The following CDH18 variants were observed in gnomAD, a reference collection of about 807,000 sequenced individuals.
CDH18 encodes the protein cadherin 18.
CDH18 carries 31 observed loss-of-function variants against 67.9 expected under a neutral mutation model. The observed-to-expected ratio is 0.46, with a 90% CI of 0.34 to 0.62. The LOEUF (loss-of-function observed/expected upper bound fraction) is 0.62, where lower values mean the gene tolerates loss of function less well. Among genes scored for constraint, CDH18 ranks in the 20% least tolerant of loss-of-function variants. The pLI is 0.01. For missense variants in CDH18, 890 were observed against 975.5 expected, an observed-to-expected ratio of 0.91 and a Z score of 1.17; for synonymous variants, 362 against 347.2, an observed-to-expected ratio of 1.04 and a Z score of -0.48.
chr5:19,672,093 T>C (rs1758829817), intron 5 of CDH18, among the ~76,000 whole-genome samples: 2 of 152,118 alleles, frequency 1.3e-5, no homozygotes, highest in Non-Finnish European at 2.9e-5. Context: ...TGGTAAAATC[T>C]CAGTGATTGG....
chr5:20,373,720 C>T (rs1743192200), intron 1 of CDH18, among the ~76,000 whole-genome samples: 1 of 151,896 alleles, frequency 6.6e-6, no homozygotes, highest in African/African-American at 2.4e-5. Flanking sequence ...TGCTTTGCAT[C>T]TAGTAGAGTC....
At chr5:20,443,384 T>C (rs1436370594) in intron 1 of CDH18, among the ~76,000 whole-genome samples, 2 of 151,742 alleles carry the variant, frequency 1.3e-5, no homozygotes, top group Non-Finnish European at 2.9e-5. Context: ...GCACAATTAT[T>C]ATTTACAATA....
chr5:20,238,142 A>G (rs1742618390), intron 2 of CDH18, among the ~76,000 whole-genome samples: 1 of 151,454 alleles, frequency 6.6e-6, no homozygotes, highest in South Asian at 2.1e-4. Flanking sequence ...GGTCATAAAC[A>G]TAAATGGAAA....
rs531579439 is a variant in CDH18, at chr5:19,676,570, C to A, written c.643+44777G>T. Among the ~76,000 whole-genome samples the A allele has an allele frequency of 1.3e-5, 2 of 152,004 alleles. 1 individual carries two copies. The highest frequency in any genetic ancestry group is 3.9e-4 in the East Asian group (2 of 5,136). On this transcript the variant is annotated intron_variant, in intron 5 of 12. Transcript: ENST00000382275. ...TTAACGTGTTAATTGAATTCAGGTG[C>A]CAGGGAGTAGCAAAAAGGGCTTCCA...
At chr5:20,133,884 A>G (rs1048542092) in intron 2 of CDH18, among the ~76,000 whole-genome samples, 41 of 152,130 alleles carry the variant, frequency 2.7e-4, no homozygotes, top group African/African-American at 8.2e-4. Context: ...TATCATTCGA[A>G]AAATTTATTC....
chr5:20,546,339 T>A (rs181443745), intron 1 of CDH18, among the ~76,000 whole-genome samples: 1 of 152,282 alleles, frequency 6.6e-6, no homozygotes, highest in Admixed American at 6.5e-5. Flanking sequence ...AGGTTATCTT[T>A]ATAGCAGGAC....
chr5:20,501,459 ATAT>A (rs1226765200), intron 1 of CDH18, among the ~76,000 whole-genome samples: 10 of 104,858 alleles, frequency 9.5e-5, no homozygotes, highest in Non-Finnish European at 1.5e-4. Flanking sequence ...TTTTATATAC[ATAT>A]TATATATATT....
intron 5 of CDH18, among the ~76,000 whole-genome samples, chr5:19,639,001 T>TGTTTG (rs527973902): frequency 6.0e-4 from 53 of 88,222 alleles, no homozygotes; most frequent in African/African-American, 1.7e-3. Flanking sequence ...TTTTTTTTTT[T>TGTTTG]TTTGTTTGTT....
At chr5:19,667,487 A>G (rs970436046) in intron 5 of CDH18, among the ~76,000 whole-genome samples, 1 of 122,722 alleles carries the variant, frequency 8.1e-6, no homozygotes, top group Non-Finnish European at 1.7e-5. Flanking sequence ...ATGAATATAT[A>G]TGTTATATAT....
chr5:19,634,323 T>C (rs922798211), intron 5 of CDH18, among the ~76,000 whole-genome samples: 1 of 152,210 alleles, frequency 6.6e-6, no homozygotes, highest in Non-Finnish European at 1.5e-5. Context: ...AAATATTTAA[T>C]GATTAAAAAC....
intron 2 of CDH18, among the ~76,000 whole-genome samples, chr5:20,225,119 TCAC>T (rs1047528224): frequency 6.6e-6 from 1 of 152,084 alleles, no homozygotes; most frequent in African/African-American, 2.4e-5. Context: ...TCTTCAGAGG[TCAC>T]CACATCAGTG....
chr5:19,484,045 T>C (rs538494979), intron 11 of CDH18, among the ~76,000 whole-genome samples: 2 of 152,316 alleles, frequency 1.3e-5, no homozygotes, highest in South Asian at 4.1e-4. Flanking sequence ...ATGGAGACAG[T>C]AGATCAAGCA....
At chr5:20,120,293 A>G (rs1385076659) in intron 2 of CDH18, among the ~76,000 whole-genome samples, 1 of 152,166 alleles carries the variant, frequency 6.6e-6, no homozygotes, top group Non-Finnish European at 1.5e-5. Context: ...CTAAAGCAAG[A>G]ATAGTGAGAG....
chr5:20,206,307 C>T (rs780793664), intron 2 of CDH18, among the ~76,000 whole-genome samples: 2 of 151,684 alleles, frequency 1.3e-5, no homozygotes, highest in Non-Finnish European at 2.9e-5. Context: ...AAAACCTTAA[C>T]AAAGCAAAAA....
At chr5:20,501,717 T>TTGTGTGTGTGTG (rs1170488048) in intron 1 of CDH18, among the ~76,000 whole-genome samples, 214 of 121,264 alleles carry the variant, frequency 1.8e-3, no homozygotes, top group African/African-American at 4.0e-3. Context: ...TCTTAAGGAT[T>TTGTGTGTGTGTG]TGTGTGTGTG....
intron 2 of CDH18, among the ~76,000 whole-genome samples, chr5:20,078,514 A>C (rs1311556996): frequency 1.3e-5 from 2 of 152,058 alleles, no homozygotes; most frequent in Admixed American, 6.6e-5. Context: ...CATATGAAGA[A>C]CTTAAGGGAA....
intron 5 of CDH18, among the ~76,000 whole-genome samples, chr5:19,682,331 T>G (rs530161431): frequency 1.3e-5 from 2 of 152,198 alleles, no homozygotes; most frequent in African/African-American, 4.8e-5. Flanking sequence ...TTTCTGTTTT[T>G]GTTTTTGTCC....
At chr5:19,785,546 C>G (rs1468101998) in intron 3 of CDH18, among the ~76,000 whole-genome samples, 2 of 146,588 alleles carry the variant, frequency 1.4e-5, no homozygotes, top group African/African-American at 2.5e-5. Flanking sequence ...TCCAGCTACT[C>G]AGGAGGCTAA....
At chr5:19,960,629 GTATATGTATACATATACACGTGTA>G (rs1796739611) in intron 2 of CDH18, among the ~76,000 whole-genome samples, 1 of 128,476 alleles carries the variant, frequency 7.8e-6, no homozygotes, top group Admixed American at 7.5e-5. Context: ...ATATACACGT[GTATATGTATACATATACACGTGTA>G]TATATATATA....
Sources: gnomAD v4.1 joint callset for allele counts (sites outside exome capture counted in the v4.1 genomes callset) on GRCh38, gnomAD v4.1.1 for gene constraint, MANE v1.5 for transcripts, NCBI Gene and HGNC (gene_info 2026-07-23, HGNC 2026-07-21) for gene names.